Variants in UBASH3B observed in about 807,000 individuals in gnomAD.
UBASH3B encodes ubiquitin associated and SH3 domain containing B.
Under a neutral mutation model 83.4 loss-of-function variants are expected in UBASH3B, and 37 were observed. That is an observed-to-expected ratio of 0.44 (90% CI 0.34 to 0.58). The LOEUF (loss-of-function observed/expected upper bound fraction) is 0.58. Ranked by LOEUF, UBASH3B falls within the 20% of genes least tolerant of loss-of-function variation. UBASH3B has a pLI of 0.01. For missense variants in UBASH3B, 657 were observed against 827.2 expected, an observed-to-expected ratio of 0.79 and a Z score of 2.52; for synonymous variants, 304 against 318.3, an observed-to-expected ratio of 0.96 and a Z score of 0.48.
chr11:122,726,912 C>T (rs557327001), intron 1 of UBASH3B, among the ~76,000 whole-genome samples: 2 of 152,186 alleles, frequency 1.3e-5, no homozygotes, highest in Non-Finnish European at 2.9e-5. Context: ...ATTGATCAAC[C>T]GTTTTGAGCT....
At chr11:122,674,176 A>G (rs1234818837) in intron 1 of UBASH3B, among the ~76,000 whole-genome samples, 8 of 152,248 alleles carry the variant, frequency 5.3e-5, no homozygotes, top group Admixed American at 5.2e-4. Flanking sequence ...CTAAGTGCCC[A>G]CAAACACAGA....
chr11:122,657,761 C>T (rs1286935280), intron 1 of UBASH3B, among the ~76,000 whole-genome samples: 1 of 152,162 alleles, frequency 6.6e-6, no homozygotes, highest in East Asian at 1.9e-4. Flanking sequence ...CCCAATACGA[C>T]TTCCTAATAC....
intron 1 of UBASH3B, among the ~76,000 whole-genome samples, chr11:122,710,449 C>T (rs1864177014): frequency 6.6e-6 from 1 of 152,200 alleles, no homozygotes; most frequent in Admixed American, 6.5e-5. Flanking sequence ...CCCTGCAAGG[C>T]AGGTCCAGTC....
At chr11:122,676,473 A>G (rs1475279927) in intron 1 of UBASH3B, among the ~76,000 whole-genome samples, 2 of 152,152 alleles carry the variant, frequency 1.3e-5, no homozygotes, top group Non-Finnish European at 2.9e-5. Context: ...CCTGGGAGGC[A>G]GAGGTTGCAG....
intron 1 of UBASH3B, among the ~76,000 whole-genome samples, chr11:122,738,409 A>T (rs1223207890): frequency 6.6e-6 from 1 of 152,228 alleles, no homozygotes; most frequent in East Asian, 1.9e-4. Flanking sequence ...AAGCAGTTCC[A>T]GGGAGGAAGA....
At chr11:122,711,421 A>G (rs1393109744) in intron 1 of UBASH3B, among the ~76,000 whole-genome samples, 1 of 152,222 alleles carries the variant, frequency 6.6e-6, no homozygotes, top group Non-Finnish European at 1.5e-5. Context: ...CAAGATGGTC[A>G]CCCCTGAGTC....
At chr11:122,726,994 C>A (rs767015195) in intron 1 of UBASH3B, among the ~76,000 whole-genome samples, 3 of 152,218 alleles carry the variant, frequency 2.0e-5, no homozygotes, top group African/African-American at 7.2e-5. Flanking sequence ...CTCTTGTCCA[C>A]GGGTCCCAGG....
chr11:122,771,295 C>A (rs183522540), intron 1 of UBASH3B, among the ~76,000 whole-genome samples: 1 of 151,338 alleles, frequency 6.6e-6, no homozygotes, highest in African/African-American at 2.4e-5. Flanking sequence ...TGCAATGGCA[C>A]GACCTCGGCT....
chr11:122,687,799 T>C (rs1290081584), intron 1 of UBASH3B, among the ~76,000 whole-genome samples: 1 of 152,142 alleles, frequency 6.6e-6, no homozygotes, highest in Admixed American at 6.5e-5. Flanking sequence ...TTCTTCCTGG[T>C]GCTCCCGTGT....
chr11:122,691,324 G>T (rs909876930), intron 1 of UBASH3B, among the ~76,000 whole-genome samples: 5 of 152,220 alleles, frequency 3.3e-5, no homozygotes, highest in Non-Finnish European at 7.3e-5. Flanking sequence ...ACTATTTGAA[G>T]CTGGCTTTTG....
intron 3 of UBASH3B, among the ~76,000 whole-genome samples, chr11:122,779,201 T>C (rs1860801606): frequency 6.6e-6 from 1 of 152,226 alleles, no homozygotes; most frequent in African/African-American, 2.4e-5. Context: ...CGCTCCCCTT[T>C]CTTGCTTTCG....
chr11:122,783,327 C>T (rs2135151955), intron 5 of UBASH3B, 105 bp downstream of exon 5: 2 of 1,339,234 alleles, frequency 1.5e-6, no homozygotes, highest in Non-Finnish European at 2.0e-6. Flanking sequence ...AAAAATGGAG[C>T]AAGCACCTAA....
At chr11:122,778,831 C>T (rs2135144386) in intron 3 of UBASH3B, among the ~76,000 whole-genome samples, 1 of 152,176 alleles carries the variant, frequency 6.6e-6, no homozygotes, top group East Asian at 1.9e-4. Context: ...TCTCAAACTC[C>T]AGTCCTCAAG....
chr11:122,747,849 C>T (rs570505071), intron 1 of UBASH3B, among the ~76,000 whole-genome samples: 4 of 152,330 alleles, frequency 2.6e-5, no homozygotes, highest in East Asian at 3.9e-4. Context: ...ACCTAAGATC[C>T]ATATATTCCC....
At chr11:122,740,448 T>C (rs1261955584) in intron 1 of UBASH3B, among the ~76,000 whole-genome samples, 2 of 152,226 alleles carry the variant, frequency 1.3e-5, no homozygotes, top group Non-Finnish European at 2.9e-5. Context: ...AGGATTAGGA[T>C]GCCAGCAGCT....
chr11:122,686,048 G>A (rs1413256562), intron 1 of UBASH3B, among the ~76,000 whole-genome samples: 1 of 152,142 alleles, frequency 6.6e-6, no homozygotes, highest in Non-Finnish European at 1.5e-5. Context: ...CTTTCTGCAA[G>A]ACCACCAGTC....
chr11:122,718,678 G>C (rs1860567537), intron 1 of UBASH3B, among the ~76,000 whole-genome samples: 3 of 151,774 alleles, frequency 2.0e-5, no homozygotes, highest in Admixed American at 6.6e-5. Flanking sequence ...TTTTTGATTG[G>C]AGCCCCAAAA....
intron 1 of UBASH3B, among the ~76,000 whole-genome samples, chr11:122,693,832 C>T (rs776168802): frequency 6.6e-6 from 1 of 152,180 alleles, no homozygotes; most frequent in East Asian, 1.9e-4. Flanking sequence ...GATGGTGCCA[C>T]TGCACTCCAG....
chr11:122,779,983 T>C (rs767630431), intron 4 of UBASH3B, among the ~76,000 whole-genome samples: 2 of 152,172 alleles, frequency 1.3e-5, no homozygotes, highest in African/African-American at 4.8e-5. Flanking sequence ...ACTAGAAATG[T>C]ATTTCTTTGT....
Sources: gnomAD v4.1 joint callset for allele counts (sites outside exome capture counted in the v4.1 genomes callset) on GRCh38, gnomAD v4.1.1 for gene constraint, MANE v1.5 for transcripts, NCBI Gene and HGNC (gene_info 2026-07-23, HGNC 2026-07-21) for gene names.